RNMT: variants seen among roughly 807,000 people sequenced by gnomAD.
RNMT encodes mRNA cap guanine-N(7) methyltransferase.
Under a neutral mutation model 56.0 loss-of-function variants are expected in RNMT, and 27 were observed. That is an observed-to-expected ratio of 0.48 (90% confidence interval 0.36 to 0.67). The LOEUF (loss-of-function observed/expected upper bound fraction) is 0.67, where lower values mean the gene tolerates loss of function less well. Ranked by LOEUF, RNMT falls within the 30% of genes least tolerant of loss-of-function variation. The pLI, the probability that RNMT is intolerant of heterozygous loss-of-function variation, is 0.00. For missense variants in RNMT, 519 were observed against 552.1 expected, an observed-to-expected ratio of 0.94 and a Z score of 0.60; for synonymous variants, 184 against 176.2, an observed-to-expected ratio of 1.04 and a Z score of -0.35.
chr18:13,747,818 T>C (rs199524149), intron 9 of RNMT, among the ~76,000 whole-genome samples: 2 of 152,190 alleles, frequency 1.3e-5, no homozygotes, highest in East Asian at 3.8e-4. Context: ...TGGATGCTTG[T>C]TTTGTTTGTC....
In RNMT at chr18:13,749,241, A is replaced by T. The variant is rs375450860; in HGVS notation, c.1257+2904A>T. On this transcript the variant is annotated intron_variant, in intron 9 of 11. Coordinates refer to ENST00000383314, the MANE Select transcript of RNMT (RefSeq NM_003799.3). ...TTGAAGAACAAGTTTACAACAAAAT[A>T]GTTTGACAGGCATTCAAAAACGAAG... 4.6e-5 allele frequency among the ~76,000 whole-genome samples: 7 copies of T among 152,242 alleles called. 1 individual carries two copies. In the East Asian group the frequency reaches 9.6e-4, roughly 21 times the overall value.
chr18:13,759,324 T>A (rs374156456), intron 11 of RNMT, among the ~76,000 whole-genome samples: 1 of 152,200 alleles, frequency 6.6e-6, no homozygotes, highest in East Asian at 1.9e-4. Flanking sequence ...CAAGGAATCC[T>A]AAATTCATTT....
At chr18:13,743,096 G>C (rs1409848202) in intron 8 of RNMT, 1 of 153,102 alleles carries the variant, frequency 6.5e-6, no homozygotes. Context: ...AGGCCGAGAC[G>C]GGCGGATCAT....
intron 8 of RNMT, among the ~76,000 whole-genome samples, chr18:13,745,996 T>C (rs574253666): frequency 2.0e-5 from 3 of 152,330 alleles, no homozygotes; most frequent in Admixed American, 6.5e-5. Context: ...CTGACCTTTA[T>C]GTTATACTAA....
chr18:13,735,525 AC>A (rs2044144018), intron 4 of RNMT, among the ~76,000 whole-genome samples: 1 of 134,186 alleles, frequency 7.5e-6, no homozygotes, highest in African/African-American at 2.8e-5. Flanking sequence ...TTTAAGATTA[AC>A]GTAATGGCAT....
At chr18:13,727,280 C>T (rs751931722) in intron 1 of RNMT, among the ~76,000 whole-genome samples, 8 of 152,202 alleles carry the variant, frequency 5.3e-5, no homozygotes, top group Non-Finnish European at 1.2e-4. Context: ...AGAGACATAG[C>T]TTGCTTCGGA....
Position 13,730,640 on chromosome 18 carries a change from A to G in RNMT, c.-158A>G, listed in dbSNP as rs1445882910. 2.0e-5 allele frequency: 3 copies of G among 152,202 alleles called. No individual in the cohort carries two copies. Among genetic ancestry groups the G allele is most frequent in the African/African-American group, 4.8e-5 (2 of 41,440 alleles). The allele number at this position is 152,202 out of a possible 1,614,324, so 9.4% of individuals were successfully genotyped here. Reference sequence around the variant, plus strand: ...CCTTACTAACAGGATGTGTGAACCTATTGGGTACTGTACAACTTCAAGCCT... The same window carrying G: ...CCTTACTAACAGGATGTGTGAACCTGTTGGGTACTGTACAACTTCAAGCCT... On this transcript the variant is annotated 5_prime_UTR_variant, in exon 2 of 12. Transcript: ENST00000383314.
At chr18:13,748,511 C>T (rs2149099330) in intron 9 of RNMT, among the ~76,000 whole-genome samples, 1 of 152,226 alleles carries the variant, frequency 6.6e-6, no homozygotes, top group Middle Eastern at 3.4e-3. Context: ...CTGCTTTCGA[C>T]CAGGTCAGAG....
chr18:13,747,612 A>G (rs1183227218), intron 9 of RNMT, among the ~76,000 whole-genome samples: 6 of 152,218 alleles, frequency 3.9e-5, no homozygotes, highest in Non-Finnish European at 5.9e-5. Context: ...CAGTTTTTGT[A>G]GATGATACTC....
At chr18:13,743,869 A>G (rs1169634959) in intron 8 of RNMT, among the ~76,000 whole-genome samples, 1 of 152,052 alleles carries the variant, frequency 6.6e-6, no homozygotes, top group Middle Eastern at 3.2e-3. Context: ...GCCAAGTAGC[A>G]TTGTGACTGA....
Position 13,760,923 on chromosome 18 carries a change from G to GT in RNMT, c.*945dup, listed in dbSNP as rs2044611485. 1 of 985,288 alleles carries GT rather than the reference G, an allele frequency of 1.0e-6. No individual in the cohort carries two copies. Among genetic ancestry groups the GT allele is most frequent in the Non-Finnish European group, 1.2e-6 (1 of 829,924 alleles). 61.0% of individuals were successfully genotyped at this position (985,288 alleles called of 1,614,324 possible). A position where few individuals can be genotyped will look rare whatever the true frequency, so the allele number is the denominator to read the frequency against. ...AGCCATTGTTAAAGTTGTCACTTGTGTAACTGACTGCTTTTCCAAAACTGG... is the reference window on the plus strand; with the variant it reads ...AGCCATTGTTAAAGTTGTCACTTGTGTTAACTGACTGCTTTTCCAAAACTGG... On this transcript the variant is annotated 3_prime_UTR_variant, in exon 12 of 12. Transcript: ENST00000383314.
At chr18:13,732,451 A>G (rs1200902570) in intron 3 of RNMT, among the ~76,000 whole-genome samples, 3 of 152,214 alleles carry the variant, frequency 2.0e-5, no homozygotes, top group African/African-American at 7.2e-5. Flanking sequence ...ACATCCCTTT[A>G]TTAATGTAAT....
chr18:13,757,809 C>T (rs1054076805), intron 11 of RNMT, among the ~76,000 whole-genome samples: 1 of 152,174 alleles, frequency 6.6e-6, no homozygotes, highest in African/African-American at 2.4e-5. Context: ...TTTTTATTTA[C>T]TTCATCCAGA....
intron 11 of RNMT, among the ~76,000 whole-genome samples, chr18:13,755,171 T>G (rs1448372316): frequency 6.6e-6 from 1 of 152,182 alleles, no homozygotes; most frequent in East Asian, 1.9e-4. Context: ...ATCTCTACCT[T>G]CTAGAAGTCT....
At chr18:13,727,122 A>G (rs1019805817) in intron 1 of RNMT, among the ~76,000 whole-genome samples, 2 of 152,134 alleles carry the variant, frequency 1.3e-5, no homozygotes, top group African/African-American at 4.8e-5. Flanking sequence ...TTGGCTGGAG[A>G]AGTCCCTTCT....
At chr18:13,757,772 T>C (rs1484085892) in intron 11 of RNMT, among the ~76,000 whole-genome samples, 1 of 152,230 alleles carries the variant, frequency 6.6e-6, no homozygotes, top group African/African-American at 2.4e-5. Flanking sequence ...TAATGATATC[T>C]AGAATGGGGA....
chr18:13,746,323 A>G lies in RNMT; in HGVS notation c.1243A>G (p.Met415Val), dbSNP rs1036738186. 3 of 1,536,416 alleles carry G rather than the reference A, an allele frequency of 2.0e-6. No individual in the cohort carries two copies. The highest frequency in any genetic ancestry group is 2.0e-5 in the Admixed American group (1 of 51,188). ...TGAAAATAAAATGCTCTTAAAACGA[A>G]TGCAGGCCTTGGAGGTGAGTATTTA... Reference protein sequence around the residue: ...NNENKMLLKRMQALEPYPANE... With the variant: ...NNENKMLLKRVQALEPYPANE... The change falls in exon 9 of 12, where the codon ATG becomes GTG. Residue 415 changes from methionine (M) to valine (V), a missense_variant. Transcript: ENST00000383314.
intron 11 of RNMT, among the ~76,000 whole-genome samples, chr18:13,754,490 C>T (rs1216654293): frequency 1.3e-5 from 2 of 152,126 alleles, no homozygotes; most frequent in African/African-American, 4.8e-5. Flanking sequence ...CTGGGCAACA[C>T]AGCGAGACTC....
chr18:13,758,984 C>T (rs1319387359), intron 11 of RNMT, among the ~76,000 whole-genome samples: 1 of 152,014 alleles, frequency 6.6e-6, no homozygotes, highest in African/African-American at 2.4e-5. Context: ...ATTAGTGGAG[C>T]AGTCAGAGCA....
Sources: allele counts gnomAD v4.1 joint callset (sites outside exome capture counted in the v4.1 genomes callset), GRCh38; gene constraint gnomAD v4.1.1; transcripts MANE v1.5; gene names NCBI Gene and HGNC (gene_info 2026-07-23, HGNC 2026-07-21).